WWOX: variants seen among roughly 807,000 people sequenced by gnomAD.
The protein encoded by WWOX is WW domain-containing oxidoreductase.
In WWOX, 69 loss-of-function variants were observed where a neutral mutation model predicts 46.2. The ratio of observed to expected loss-of-function variants is 1.49; its 90% CI spans 1.23 to 1.82. WWOX has a LOEUF of 1.82. WWOX is among the 40% of genes most tolerant of loss of function. WWOX has a pLI of 0.00. For missense variants in WWOX, 919 were observed against 542.6 expected (o/e 1.69, Z -6.89); for synonymous variants, 359 against 202.6 (o/e 1.77, Z -6.56).
intron 8 of WWOX, among the ~76,000 whole-genome samples, chr16:78,473,786 G>T (rs568360926): frequency 6.6e-6 from 1 of 152,222 alleles, no homozygotes; most frequent in East Asian, 1.9e-4. Context: ...GCCCACCAGT[G>T]GTCCCCTGAA....
Position 78,175,246 on chromosome 16 carries a change from T to C in WWOX, c.516+10957T>C, listed in dbSNP as rs574078621. 9.2e-5 allele frequency among the ~76,000 whole-genome samples: 14 copies of C among 152,164 alleles called. No individual in the cohort carries two copies. In the South Asian group the frequency reaches 2.9e-3, roughly 32 times the overall value. On this transcript the variant is annotated intron_variant, in intron 5 of 8. Transcript: ENST00000566780. Reference sequence around the variant, plus strand: ...GTTCCTAGGGGGGTTCATCTGGAGCTAGTCCCTGACCCTTAGGTGGAAGAT... The same window carrying C: ...GTTCCTAGGGGGGTTCATCTGGAGCCAGTCCCTGACCCTTAGGTGGAAGAT...
At position 79,020,346 on chromosome 16, in the gene WWOX, G is replaced by C. The variant is rs369340350; in HGVS notation, c.1057-191262G>C. On this transcript the variant is annotated intron_variant, in intron 8 of 8. Transcript: ENST00000566780. The stretch of plus-strand genomic sequence containing the variant: ...TGTGATCAAAACTATGGAGTCTTAA[G>C]TCCAACCAGTGGTTATGAATTCCGG... 4.6e-5 allele frequency among the ~76,000 whole-genome samples: 7 copies of C among 152,298 alleles called. No homozygotes were observed. The South Asian group carries it at 1.5e-3, about 32-fold the overall frequency.
intron 8 of WWOX, among the ~76,000 whole-genome samples, chr16:78,835,927 G>A (rs2051969493): frequency 6.6e-6 from 1 of 152,116 alleles, no homozygotes; most frequent in Admixed American, 6.5e-5. Context: ...AGATATATTT[G>A]AGACTAACAA....
At chr16:78,929,622 C>T (rs942869787) in intron 8 of WWOX, among the ~76,000 whole-genome samples, 3 of 152,078 alleles carry the variant, frequency 2.0e-5, no homozygotes, top group Admixed American at 6.6e-5. Flanking sequence ...GATTGCCAGG[C>T]CCTGCTTCTA....
intron 8 of WWOX, among the ~76,000 whole-genome samples, chr16:78,791,318 C>G (rs2050593521): frequency 6.6e-6 from 1 of 152,138 alleles, no homozygotes; most frequent in Admixed American, 6.6e-5. Context: ...TGTTGTGGAT[C>G]TGGACTCAAC....
chr16:78,303,653 T>C (rs1374045074), intron 5 of WWOX, among the ~76,000 whole-genome samples: 5 of 152,352 alleles, frequency 3.3e-5, no homozygotes, highest in Admixed American at 1.3e-4. Context: ...CAAGCGATTC[T>C]CATGCCTCAG....
intron 8 of WWOX, among the ~76,000 whole-genome samples, chr16:78,624,775 C>G (rs951459321): frequency 6.6e-6 from 1 of 152,164 alleles, no homozygotes; most frequent in Non-Finnish European, 1.5e-5. Context: ...TGCAGAACGA[C>G]ACAATGGTGA....
intron 8 of WWOX, among the ~76,000 whole-genome samples, chr16:78,521,150 T>C (rs1483570700): frequency 6.6e-6 from 1 of 152,226 alleles, no homozygotes; most frequent in Non-Finnish European, 1.5e-5. Context: ...AACTTAATTC[T>C]TCATTCCAGT....
intron 4 of WWOX, among the ~76,000 whole-genome samples, chr16:78,154,227 G>C (rs923669739): frequency 2.0e-5 from 3 of 152,082 alleles, no homozygotes; most frequent in Non-Finnish European, 4.4e-5. Context: ...GAGCTGCTCG[G>C]GATAAGAGGG....
intron 8 of WWOX, among the ~76,000 whole-genome samples, chr16:78,529,851 C>T (rs771586950): frequency 2.0e-5 from 3 of 152,164 alleles, no homozygotes; most frequent in Non-Finnish European, 2.9e-5. Context: ...CTCTCTGTGA[C>T]CCTGTAGAAT....
intron 5 of WWOX, among the ~76,000 whole-genome samples, chr16:78,184,516 C>T (rs2035634249): frequency 6.6e-6 from 1 of 152,040 alleles, no homozygotes; most frequent in African/African-American, 2.4e-5. Flanking sequence ...AAATATTAAA[C>T]AGCTTAGCCG....
At chr16:79,159,617 C>A (rs1182807902) in intron 8 of WWOX, among the ~76,000 whole-genome samples, 1 of 152,156 alleles carries the variant, frequency 6.6e-6, no homozygotes, top group Non-Finnish European at 1.5e-5. Context: ...GATGAGTCCC[C>A]CAGAGATTGT....
At chr16:78,855,243 A>T (rs2052539782) in intron 8 of WWOX, among the ~76,000 whole-genome samples, 1 of 152,208 alleles carries the variant, frequency 6.6e-6, no homozygotes, top group South Asian at 2.1e-4. Context: ...CTTAATGATT[A>T]AAAACCAAAG....
intron 8 of WWOX, among the ~76,000 whole-genome samples, chr16:79,021,314 A>G (rs561979652): frequency 2.0e-5 from 3 of 152,224 alleles, no homozygotes; most frequent in African/African-American, 7.2e-5. Flanking sequence ...TTAGCGAGAT[A>G]TTGTCTCTAC....
intron 8 of WWOX, among the ~76,000 whole-genome samples, chr16:78,589,554 C>T (rs1046934927): frequency 4.6e-5 from 7 of 152,098 alleles, no homozygotes; most frequent in African/African-American, 7.2e-5. Context: ...AACTCTTCAG[C>T]GCCTCCCTAA....
chr16:78,702,035 ATATATATAT>A lies in WWOX; in HGVS notation c.1056+269284_1056+269292del, dbSNP rs2048230822. Among the ~76,000 whole-genome samples, 5 of 127,862 alleles carry A rather than the reference ATATATATAT, an allele frequency of 3.9e-5. 1 individual carries two copies. The highest frequency in any genetic ancestry group is 1.7e-4 in the African/African-American group (5 of 28,910). The allele number at this position is 127,862 out of a possible 152,430, so 83.9% of individuals were successfully genotyped here. On this transcript the variant is annotated intron_variant, in intron 8 of 8. Transcript: ENST00000566780. The stretch of plus-strand genomic sequence containing the variant: ...TATATATATATATATATATATATAT[ATATATATAT>A]AAAATAATGCAGAAGTTTTATATAT...
intron 8 of WWOX, among the ~76,000 whole-genome samples, chr16:79,070,051 G>A (rs1302336151): frequency 6.6e-6 from 1 of 152,172 alleles, no homozygotes; most frequent in Non-Finnish European, 1.5e-5. Context: ...AATAAATGCA[G>A]AATATTCCTA....
intron 8 of WWOX, among the ~76,000 whole-genome samples, chr16:78,876,208 TC>T (rs1287418363): frequency 2.2e-5 from 3 of 136,458 alleles, no homozygotes; most frequent in Non-Finnish European, 4.9e-5. Context: ...TTTTTTCCTT[TC>T]TTTTTTTTTT....
chr16:78,310,944 G>C (rs950716769), intron 5 of WWOX, among the ~76,000 whole-genome samples: 1 of 152,192 alleles, frequency 6.6e-6, no homozygotes, highest in African/African-American at 2.4e-5. Flanking sequence ...GTGGATGCTT[G>C]GGAAGCCCCA....
Sources: gnomAD v4.1 joint callset for allele counts (sites outside exome capture counted in the v4.1 genomes callset) on GRCh38, gnomAD v4.1.1 for gene constraint, MANE v1.5 for transcripts, NCBI Gene and HGNC (gene_info 2026-07-23, HGNC 2026-07-21) for gene names.